Variants in PES1 observed in about 807,000 individuals in gnomAD.
PES1 encodes the protein pescadillo ribosomal biogenesis factor 1.
A neutral mutation model predicts 77.1 loss-of-function variants in PES1; 31 were observed. That is an observed-to-expected ratio of 0.40 (90% CI 0.30 to 0.54). The LOEUF (loss-of-function observed/expected upper bound fraction) is 0.54. Ranked by LOEUF, PES1 falls within the 20% of genes least tolerant of loss-of-function variation. PES1 has a pLI of 0.45. For missense variants in PES1, 658 were observed against 771.7 expected, an observed-to-expected ratio of 0.85 and a Z score of 1.75; for synonymous variants, 282 against 303.0, an observed-to-expected ratio of 0.93 and a Z score of 0.72.
intron 6 of PES1, among the ~76,000 whole-genome samples, chr22:30,582,992 C>A (rs182450101): frequency 5.3e-5 from 8 of 152,334 alleles, no homozygotes; most frequent in Non-Finnish European, 1.0e-4. Context: ...AGTGAACTGG[C>A]CAAGGAGGAA....
chr22:30,585,935 C>T (rs1405467108), intron 4 of PES1, among the ~76,000 whole-genome samples: 1 of 152,210 alleles, frequency 6.6e-6, no homozygotes, highest in African/African-American at 2.4e-5. Flanking sequence ...TGTCTGGTTT[C>T]TTGGTGCAGA....
At chr22:30,602,525 T>C (rs377155910) in intron 2 of PES1, among the ~76,000 whole-genome samples, 1 of 151,502 alleles carries the variant, frequency 6.6e-6, no homozygotes, top group Non-Finnish European at 1.5e-5. Flanking sequence ...TCCGGCCTCT[T>C]TTTTCTTTTA....
intron 12 of PES1, 62 bp downstream of exon 12, chr22:30,579,689 G>T: frequency 6.6e-7 from 1 of 1,511,384 alleles, no homozygotes; most frequent in Non-Finnish European, 9.1e-7. Flanking sequence ...CACCTTGGCA[G>T]CTAAGGGAAA....
At chr22:30,580,434 G>T in intron 10 of PES1, 137 bp downstream of exon 10, 1 of 1,241,404 alleles carries the variant, frequency 8.1e-7, no homozygotes, top group Non-Finnish European at 1.1e-6. Flanking sequence ...TCAGTGCGGT[G>T]CCGAGCACTT....
At chr22:30,593,880 G>C (rs1318510557), upstream of PES1, among the ~76,000 whole-genome samples, 1 of 152,240 alleles carries the variant, frequency 6.6e-6, no homozygotes, top group Non-Finnish European at 1.5e-5. Context: ...TCACCAAGCA[G>C]TCTGGTTTCA....
intron 1 of PES1, among the ~76,000 whole-genome samples, chr22:30,590,776 C>T (rs1297573629): frequency 6.6e-6 from 1 of 152,150 alleles, no homozygotes; most frequent in African/African-American, 2.4e-5. Flanking sequence ...TCCTACTACA[C>T]ACAAGACAAT....
At chr22:30,597,968 C>T (rs1158206981) in intron 2 of PES1, among the ~76,000 whole-genome samples, 1 of 149,948 alleles carries the variant, frequency 6.7e-6, no homozygotes, top group Non-Finnish European at 1.5e-5. Context: ...ACTGCAAGCT[C>T]CGCTTCCCGG....
chr22:30,592,022 T>C, upstream of PES1: 1 of 1,367,334 alleles, frequency 7.3e-7, no homozygotes, highest in Non-Finnish European at 9.4e-7. Context: ...AAAACTATAG[T>C]CTGAAAAAAA....
At chr22:30,603,042 C>G (rs2087381880) in intron 2 of PES1, among the ~76,000 whole-genome samples, 1 of 152,064 alleles carries the variant, frequency 6.6e-6, no homozygotes, top group Non-Finnish European at 1.5e-5. Context: ...TCCCAAGTAG[C>G]TGGGACTACA....
Position 30,579,294 on chromosome 22 carries a change from T to C in PES1, c.1364A>G (p.Asn455Ser), listed in dbSNP as rs781219620. The C allele has an allele frequency of 8.7e-6, 14 of 1,600,380 alleles. No homozygotes were observed. In the Admixed American group the frequency reaches 1.0e-4, roughly 11 times the overall value. The change falls in exon 13 of 15, where the codon AAT becomes AGT. Residue 455 changes from asparagine (N) to serine (S), a missense_variant. Physicochemically the swap from Asn to Ser is conservative, Grantham distance 46. Transcript: ENST00000354694. ...LQRGEDPGNL[N>S]ESEEEEEEDD... is the part of the protein sequence containing the mutation. ...CTCTTCCTCCTCCTCTTCTGACTCA[T>C]TCAGGTTTCCTAGAGAAAGCCAATG... is the stretch of plus-strand genomic sequence containing the variant.
intron 2 of PES1, among the ~76,000 whole-genome samples, chr22:30,599,460 A>G (rs2087320431): frequency 6.6e-6 from 1 of 152,194 alleles, no homozygotes; most frequent in African/African-American, 2.4e-5. Context: ...AATAGGAAAC[A>G]GCGAAATCTT....
intron 2 of PES1, among the ~76,000 whole-genome samples, chr22:30,598,846 G>T (rs2087306953): frequency 7.6e-6 from 1 of 131,148 alleles, no homozygotes; most frequent in African/African-American, 2.8e-5. Flanking sequence ...AATTAAGAAA[G>T]CCCAAATATA....
intron 1 of PES1, chr22:30,606,699 GCCCAACTCCCCCTC>G (rs1399189774): frequency 6.4e-5 from 1 of 15,518 alleles, no homozygotes; most frequent in Non-Finnish European, 1.3e-4. Flanking sequence ...CCACCGAACT[GCCCAACTCCCCCTC>G]CCCAACTGCC....
chr22:30,598,681 G>A (rs2087303694), intron 2 of PES1, among the ~76,000 whole-genome samples: 1 of 151,790 alleles, frequency 6.6e-6, no homozygotes, highest in South Asian at 2.1e-4. Context: ...CCCGCACCTC[G>A]GCCTCCCAAA....
At chr22:30,592,003 T>A, upstream of PES1, 1 of 1,383,068 alleles carries the variant, frequency 7.2e-7, no homozygotes. Context: ...GATTTCCTCC[T>A]CAAGATTTAA....
Position 30,576,931 on chromosome 22 carries a change from TG to T in PES1, c.*114del. On this transcript the variant is annotated 3_prime_UTR_variant, in exon 15 of 15. Coordinates refer to ENST00000354694, the MANE Select transcript of PES1 (RefSeq NM_014303.4). ...GAGAGCATGAGGGGTCAGGGCTGGCTGGAGAAAGGAGGAGGAGAAGTGACTC... is the reference window on the plus strand; with the variant it reads ...GAGAGCATGAGGGGTCAGGGCTGGCTGAGAAAGGAGGAGGAGAAGTGACTC... The T allele has an allele frequency of 1.1e-6, 1 of 886,632 alleles. No homozygotes were observed. Among genetic ancestry groups the T allele is most frequent in the Non-Finnish European group, 1.9e-6 (1 of 534,052 alleles). 54.9% of individuals were successfully genotyped at this position (886,632 alleles called of 1,614,324 possible). A position where few individuals can be genotyped will look rare whatever the true frequency, so the allele number is the denominator to read the frequency against.
chr22:30,583,220 C>T (rs1017295712), intron 6 of PES1, among the ~76,000 whole-genome samples: 6 of 152,156 alleles, frequency 3.9e-5, no homozygotes, highest in Non-Finnish European at 7.4e-5. Flanking sequence ...CCCACACGTG[C>T]CCCAGGGGGA....
intron 6 of PES1, chr22:30,584,110 T>C (rs150401109): frequency 7.4e-5 from 39 of 530,566 alleles, no homozygotes; most frequent in Middle Eastern, 5.1e-4. Context: ...GTGTAGACAC[T>C]GTTAACTGAG....
intron 2 of PES1, among the ~76,000 whole-genome samples, chr22:30,599,442 A>T (rs2087320147): frequency 6.6e-6 from 1 of 152,172 alleles, no homozygotes; most frequent in Admixed American, 6.5e-5. Flanking sequence ...ATTTAATATA[A>T]CTAGTTTAAT....
Sources: allele counts gnomAD v4.1 joint callset (sites outside exome capture counted in the v4.1 genomes callset), GRCh38; gene constraint gnomAD v4.1.1; transcripts MANE v1.5; gene names NCBI Gene and HGNC (gene_info 2026-07-23, HGNC 2026-07-21).